The following ITGAM variants were observed in gnomAD, a reference collection of about 807,000 sequenced individuals.
ITGAM encodes integrin alpha-M.
ITGAM carries 79 observed loss-of-function variants against 137.5 expected under a neutral mutation model. The observed-to-expected ratio is 0.57, with a 90% CI of 0.48 to 0.69. ITGAM has a LOEUF of 0.69. Ranked by LOEUF, ITGAM falls within the 30% of genes least tolerant of loss-of-function variation. The pLI is 0.00. For synonymous variants in ITGAM, 583 were observed against 592.3 expected, an observed-to-expected ratio of 0.98 and a Z score of 0.23; for missense variants, 1,343 against 1,483.5, an observed-to-expected ratio of 0.91 and a Z score of 1.56.
chr16:31,274,585 CTTTA>C (rs1280686044), intron 8 of ITGAM, among the ~76,000 whole-genome samples: 1 of 149,484 alleles, frequency 6.7e-6, no homozygotes, highest in African/African-American at 2.5e-5. Context: ...TGGATGTAGT[CTTTA>C]TTTGTTTATT....
In ITGAM at chr16:31,310,482, C is replaced by T. The variant is rs566110673; in HGVS notation, c.1708-10759C>T. ...GCTGATACCCTTTCTTCCAGTTGAT[C>T]GCGTCAGTTACTGAGGCTTGTGCAT... On this transcript the variant is annotated intron_variant, in intron 14 of 29. Coordinates refer to ENST00000544665, the MANE Select transcript of ITGAM (RefSeq NM_000632.4). Among the ~76,000 whole-genome samples, 12 of 152,234 alleles carry T rather than the reference C, an allele frequency of 7.9e-5. No individual in the cohort carries two copies. In the South Asian group the frequency reaches 1.7e-3, roughly 21 times the overall value.
At chr16:31,261,273 G>C (rs573579348) in intron 1 of ITGAM, among the ~76,000 whole-genome samples, 5 of 150,100 alleles carry the variant, frequency 3.3e-5, no homozygotes, top group Non-Finnish European at 7.4e-5. Flanking sequence ...CATGATCATG[G>C]TTCACTGCAG....
chr16:31,271,712 GA>G, intron 6 of ITGAM, 134 bp from the exon 7 acceptor site: 1 of 1,043,558 alleles, frequency 9.6e-7, no homozygotes, highest in Non-Finnish European at 1.4e-6. Context: ...CCGTCCTGGT[GA>G]GGCAGGGGAT....
Position 31,266,111 on chromosome 16 carries a change from C to A in ITGAM, c.391C>A (p.Arg131=). ...CTGCTTCCTGTTTGGATCCAACCTA[C>A]GGCAGCAGCCCCAGAAGTTCCCAGA... The part of the protein sequence containing the change: ...GLCFLFGSNL[R]QQPQKFPEAL... Residue 131 remains arginine (R), a synonymous_variant, in exon 5 of 30, where the codon CGG becomes AGG. Coordinates refer to ENST00000544665, the MANE Select transcript of ITGAM (RefSeq NM_000632.4). 1 of 1,613,840 alleles carries A rather than the reference C, an allele frequency of 6.2e-7. No individual in the cohort carries two copies. The highest frequency in any genetic ancestry group is 1.1e-5 in the South Asian group (1 of 91,084).
chr16:31,279,238 T>G (rs2079942770), intron 12 of ITGAM, among the ~76,000 whole-genome samples: 1 of 152,230 alleles, frequency 6.6e-6, no homozygotes. Context: ...TTTATAATTC[T>G]TTGGGTATAT....
At chr16:31,313,551 C>T (rs1166629043) in intron 14 of ITGAM, among the ~76,000 whole-genome samples, 3 of 152,204 alleles carry the variant, frequency 2.0e-5, no homozygotes, top group Non-Finnish European at 4.4e-5. Context: ...CTGCAAAGGA[C>T]ATGAACTCAT....
intron 12 of ITGAM, among the ~76,000 whole-genome samples, chr16:31,295,114 T>C (rs2080120589): frequency 6.6e-6 from 1 of 152,230 alleles, no homozygotes; most frequent in African/African-American, 2.4e-5. Context: ...CTTGCTGTTA[T>C]GCTTACTAGA....
At chr16:31,320,002 T>C (rs11864541) in intron 14 of ITGAM, among the ~76,000 whole-genome samples, 38,254 of 151,902 alleles carry the variant, frequency 0.25, 7,923 homozygotes, top group African/African-American at 0.57. Context: ...TTAATAGAGA[T>C]GGGGTTTCAC....
intron 14 of ITGAM, among the ~76,000 whole-genome samples, chr16:31,320,435 T>G (rs1234988964): frequency 2.0e-5 from 3 of 152,208 alleles, no homozygotes; most frequent in Non-Finnish European, 2.9e-5. Context: ...TCTTTAAAAT[T>G]TATTATTTGG....
chr16:31,308,396 G>C (rs571485598), intron 14 of ITGAM, among the ~76,000 whole-genome samples: 56 of 152,222 alleles, frequency 3.7e-4, no homozygotes, highest in African/African-American at 1.3e-3. Flanking sequence ...ATGTGTCGAG[G>C]AATTTATCCA....
chr16:31,287,509 C>A (rs1468800882), intron 12 of ITGAM, among the ~76,000 whole-genome samples: 3 of 152,154 alleles, frequency 2.0e-5, no homozygotes, highest in African/African-American at 7.2e-5. Flanking sequence ...GCATGGAATA[C>A]TTTTCCGCTT....
intron 12 of ITGAM, among the ~76,000 whole-genome samples, chr16:31,286,893 G>A (rs946840582): frequency 6.6e-6 from 1 of 152,094 alleles, no homozygotes; most frequent in Non-Finnish European, 1.5e-5. Flanking sequence ...TTGCTTTTGA[G>A]GGCTTAGCCG....
intron 4 of ITGAM, 62 bp from the exon 5 acceptor site, chr16:31,265,968 A>C (rs1421961491): frequency 2.5e-6 from 4 of 1,589,174 alleles, no homozygotes; most frequent in Admixed American, 3.3e-5. Flanking sequence ...TGGAGGGTGG[A>C]GGTGCTGGGG....
chr16:31,320,033 T>C (rs2080432716), intron 14 of ITGAM, among the ~76,000 whole-genome samples: 1 of 152,060 alleles, frequency 6.6e-6, no homozygotes, highest in Non-Finnish European at 1.5e-5. Context: ...AGGATGGTCT[T>C]GATCTCCTGA....
At chr16:31,320,089 G>A (rs1052245811) in intron 14 of ITGAM, among the ~76,000 whole-genome samples, 11 of 152,138 alleles carry the variant, frequency 7.2e-5, no homozygotes, top group African/African-American at 2.7e-4. Context: ...TGGGATTACA[G>A]GTGTAAGCCA....
At chr16:31,265,131 G>A (rs1255270479) in intron 2 of ITGAM, among the ~76,000 whole-genome samples, 1 of 152,166 alleles carries the variant, frequency 6.6e-6, no homozygotes, top group Non-Finnish European at 1.5e-5. Context: ...GCCTCCCAAA[G>A]TGCTAGGATT....
At chr16:31,271,474 T>C (rs1172043690) in intron 6 of ITGAM, among the ~76,000 whole-genome samples, 2 of 152,250 alleles carry the variant, frequency 1.3e-5, no homozygotes, top group Non-Finnish European at 2.9e-5. Flanking sequence ...TGCCTCAGCC[T>C]CCCGAGTAGC....
rs757359137 is a variant in ITGAM at position 31,270,981 on chromosome 16, C to T, written c.455C>T (p.Ala152Val). 1 of 1,580,462 alleles carries T rather than the reference C, an allele frequency of 6.3e-7. No homozygotes were observed. The highest frequency in any genetic ancestry group is 1.2e-5 in the South Asian group (1 of 85,862). ...RGCPQEDSDI[A>V]FLIDGSGSII... ...TGTCCTCAAGAGGATAGTGACATTG[C>T]CTTCTTGATTGATGGCTCTGGTAGC... is the stretch of plus-strand genomic sequence containing the variant. Residue 152 changes from alanine (A) to valine (V), a missense_variant, in exon 6 of 30, where the codon GCC becomes GTC. Coordinates refer to ENST00000544665, the MANE Select transcript of ITGAM (RefSeq NM_000632.4).
chr16:31,283,733 A>G (rs1050021370), intron 12 of ITGAM, among the ~76,000 whole-genome samples: 3 of 152,200 alleles, frequency 2.0e-5, no homozygotes, highest in African/African-American at 7.2e-5. Flanking sequence ...CAACTCGTTA[A>G]AGTCATTCTC....
Sources: allele counts gnomAD v4.1 joint callset (sites outside exome capture counted in the v4.1 genomes callset), GRCh38; gene constraint gnomAD v4.1.1; transcripts MANE v1.5; gene names NCBI Gene and HGNC (gene_info 2026-07-23, HGNC 2026-07-21).